Variants in ARHGAP32 observed in about 807,000 individuals in gnomAD.
The protein encoded by ARHGAP32 is rho GTPase-activating protein 32.
In ARHGAP32, 51 loss-of-function variants were observed where a neutral mutation model predicts 186.5. The ratio of observed to expected loss-of-function variants is 0.27; its 90% confidence interval spans 0.22 to 0.35. ARHGAP32 has a LOEUF of 0.35. Ranked by LOEUF, ARHGAP32 falls within the 10% of genes least tolerant of loss-of-function variation. The pLI is 1.00. For synonymous variants in ARHGAP32, 950 were observed against 964.3 expected (o/e 0.99, Z 0.27); for missense variants, 2,186 against 2,623.5 (o/e 0.83, Z 3.64).
Position 128,981,825 on chromosome 11 carries a change from T to A in ARHGAP32, c.1634+4A>T, listed in dbSNP as rs1285954273. 6.3e-7 allele frequency: 1 copy of A among 1,591,592 alleles called. No homozygotes were observed. The highest frequency in any genetic ancestry group is 1.3e-5 in the African/African-American group (1 of 74,194). On this transcript the variant is annotated splice_donor_region_variant and intron_variant, in intron 16 of 22. Transcript: ENST00000682385. Reference sequence around the variant, plus strand: ...CTAAAATTAATAAGTGAAATGCAAATTACCTTAACAGGTTTGGAGCCCAAA... The same window carrying A: ...CTAAAATTAATAAGTGAAATGCAAAATACCTTAACAGGTTTGGAGCCCAAA...
At chr11:129,271,796 A>G (rs183449887) in intron 1 of ARHGAP32, among the ~76,000 whole-genome samples, 45 of 152,312 alleles carry the variant, frequency 3.0e-4, no homozygotes, top group African/African-American at 9.4e-4. Flanking sequence ...TGCTGGTGAG[A>G]GAGGTCAAAT....
chr11:129,084,108 CAAG>C (rs941765911), intron 6 of ARHGAP32, among the ~76,000 whole-genome samples: 4 of 151,942 alleles, frequency 2.6e-5, no homozygotes, highest in Non-Finnish European at 5.9e-5. Context: ...AAAACTCACA[CAAG>C]AAGAAAAAGA....
At chr11:129,233,666 G>A (rs1944887977) in intron 1 of ARHGAP32, among the ~76,000 whole-genome samples, 1 of 150,576 alleles carries the variant, frequency 6.6e-6, no homozygotes. Context: ...TGGGGATAAT[G>A]GAAAAAGTAA....
At chr11:129,205,443 ATC>A (rs1944504083) in intron 1 of ARHGAP32, among the ~76,000 whole-genome samples, 1 of 152,156 alleles carries the variant, frequency 6.6e-6, no homozygotes, top group African/African-American at 2.4e-5. Flanking sequence ...ATCCTTGAGT[ATC>A]CATGGTTTCC....
intron 6 of ARHGAP32, among the ~76,000 whole-genome samples, chr11:129,091,917 C>A (rs1473229567): frequency 6.6e-6 from 1 of 151,926 alleles, no homozygotes; most frequent in African/African-American, 2.4e-5. Context: ...TGGGTTATGG[C>A]TAACACAATA....
rs1456910450 is a variant in ARHGAP32, at chr11:128,965,306, T to A, written c.*3601A>T. ...GGGCAAGAAATAAATCACAAAACTA[T>A]TTACAAAAATACACAAGCTTATATG... On this transcript the variant is annotated 3_prime_UTR_variant, in exon 23 of 23. Coordinates refer to ENST00000682385, the MANE Select transcript of ARHGAP32 (RefSeq NM_001378024.1). 4 of 151,388 alleles carry A rather than the reference T, an allele frequency of 2.6e-5. No individual in the cohort carries two copies. The highest frequency in any genetic ancestry group is 5.9e-5 in the Non-Finnish European group (4 of 67,912). The allele number at this position is 151,388 out of a possible 1,614,324, so 9.4% of individuals were successfully genotyped here. A position where few individuals can be genotyped will look rare whatever the true frequency, so the allele number is the denominator to read the frequency against.
intron 1 of ARHGAP32, among the ~76,000 whole-genome samples, chr11:129,226,995 T>C (rs1485437033): frequency 6.6e-6 from 1 of 152,110 alleles, no homozygotes; most frequent in Non-Finnish European, 1.5e-5. Context: ...TTTTTGCTTA[T>C]ATTTTATTTT....
rs1479710938 is a variant in ARHGAP32, at chr11:129,192,099, T to G, written c.100A>C (p.Arg34=). 4 of 1,613,400 alleles carry G rather than the reference T, an allele frequency of 2.5e-6. No homozygotes were observed. The highest frequency in any genetic ancestry group is 1.7e-6 in the Non-Finnish European group (2 of 1,179,464). Residue 34 remains arginine (R), a synonymous_variant, in exon 1 of 23, where the codon AGG becomes CGG. Transcript: ENST00000682385. The part of the protein sequence containing the change: ...IQVTDCEEEE[R]EEKFRKMKSS... ...CATAATCACCTGAACTTCTCTTCCC[T>G]TTCTTCCTCTTCACAGTCAGTCACC...
At chr11:129,060,479 A>C (rs1031512620) in intron 10 of ARHGAP32, among the ~76,000 whole-genome samples, 1 of 152,208 alleles carries the variant, frequency 6.6e-6, no homozygotes, top group South Asian at 2.1e-4. Flanking sequence ...TCTTTTGATC[A>C]TCTTTGAGAC....
intron 5 of ARHGAP32, among the ~76,000 whole-genome samples, chr11:129,094,203 C>A (rs1302774588): frequency 6.6e-6 from 1 of 152,002 alleles, no homozygotes; most frequent in East Asian, 1.9e-4. Context: ...AATAATTGTA[C>A]AGTTTAAAAT....
intron 2 of ARHGAP32, among the ~76,000 whole-genome samples, chr11:129,140,630 G>A (rs1943031311): frequency 1.3e-5 from 2 of 152,126 alleles, no homozygotes; most frequent in Admixed American, 6.5e-5. Flanking sequence ...AATGACTTCA[G>A]TACCATCCCA....
intron 12 of ARHGAP32, among the ~76,000 whole-genome samples, chr11:128,994,875 T>C (rs1265125743): frequency 6.6e-6 from 1 of 152,200 alleles, no homozygotes; most frequent in Non-Finnish European, 1.5e-5. Flanking sequence ...CCAAGTATAA[T>C]ATATCTGGCC....
intron 10 of ARHGAP32, among the ~76,000 whole-genome samples, chr11:129,044,438 C>T (rs1939727669): frequency 6.6e-6 from 1 of 152,082 alleles, no homozygotes; most frequent in Non-Finnish European, 1.5e-5. Flanking sequence ...TTGGCGATGA[C>T]CTTGAGCAGT....
At chr11:129,117,865 C>A (rs193202866) in intron 5 of ARHGAP32, among the ~76,000 whole-genome samples, 2 of 151,718 alleles carry the variant, frequency 1.3e-5, no homozygotes, top group African/African-American at 4.8e-5. Flanking sequence ...AGATTCCCCC[C>A]GCTTCTTACT....
chr11:128,988,844 G>C (rs1465075326), intron 12 of ARHGAP32, among the ~76,000 whole-genome samples: 2 of 152,124 alleles, frequency 1.3e-5, no homozygotes, highest in Admixed American at 6.5e-5. Context: ...GTATAAAACA[G>C]AATTTTCAAA....
chr11:129,262,180 G>A (rs1364597631), intron 1 of ARHGAP32, among the ~76,000 whole-genome samples: 5 of 151,548 alleles, frequency 3.3e-5, no homozygotes, highest in Admixed American at 1.3e-4. Context: ...TTCCTCATGC[G>A]CCAAAAAAAA....
At chr11:129,124,633 G>C (rs527555104) in intron 3 of ARHGAP32, among the ~76,000 whole-genome samples, 170 bp downstream of exon 3, 1 of 152,098 alleles carries the variant, frequency 6.6e-6, no homozygotes, top group Non-Finnish European at 1.5e-5. Flanking sequence ...TAGAGGAGTG[G>C]ATAATCTATA....
At chr11:129,041,466 T>A (rs1384020135) in intron 10 of ARHGAP32, among the ~76,000 whole-genome samples, 1 of 150,468 alleles carries the variant, frequency 6.6e-6, no homozygotes, top group Non-Finnish European at 1.5e-5. Flanking sequence ...TTTGTGAATT[T>A]TCTCTTCACT....
chr11:129,206,752 C>CTT (rs796713060), intron 1 of ARHGAP32, among the ~76,000 whole-genome samples: 3 of 143,746 alleles, frequency 2.1e-5, no homozygotes, highest in African/African-American at 7.6e-5. Flanking sequence ...GTAAGCCATT[C>CTT]TTTTTTTTTT....
Sources: gnomAD v4.1 joint callset for allele counts (sites outside exome capture counted in the v4.1 genomes callset) on GRCh38, gnomAD v4.1.1 for gene constraint, MANE v1.5 for transcripts, NCBI Gene and HGNC (gene_info 2026-07-23, HGNC 2026-07-21) for gene names.